LMBRD1: variants seen among roughly 807,000 people sequenced by gnomAD.
The protein encoded by LMBRD1 is lysosomal cobalamin transport escort protein LMBD1.
A neutral mutation model predicts 74.8 loss-of-function variants in LMBRD1; 64 were observed. The ratio of observed to expected loss-of-function variants is 0.86; its 90% CI spans 0.70 to 1.05. The LOEUF (loss-of-function observed/expected upper bound fraction) is 1.05, where lower values mean the gene tolerates loss of function less well. Ranked by LOEUF, LMBRD1 falls within the 50% of genes least tolerant of loss-of-function variation. The pLI is 0.00. For missense variants in LMBRD1, 652 were observed against 645.9 expected (o/e 1.01, Z -0.10); for synonymous variants, 204 against 216.3 (o/e 0.94, Z 0.50).
At chr6:69,711,090 T>C (rs745552249) in intron 9 of LMBRD1, among the ~76,000 whole-genome samples, 3 of 152,126 alleles carry the variant, frequency 2.0e-5, no homozygotes, top group Non-Finnish European at 4.4e-5. Flanking sequence ...AAACAAATTG[T>C]GATACAGACA....
At chr6:69,710,258 A>G (rs1481091284) in intron 9 of LMBRD1, among the ~76,000 whole-genome samples, 1 of 152,058 alleles carries the variant, frequency 6.6e-6, no homozygotes, top group Non-Finnish European at 1.5e-5. Flanking sequence ...TGAGCAAAGG[A>G]TAGTCTTGAA....
chr6:69,692,690 G>A (rs1765916543), intron 14 of LMBRD1, among the ~76,000 whole-genome samples: 1 of 151,658 alleles, frequency 6.6e-6, no homozygotes, highest in Non-Finnish European at 1.5e-5. Flanking sequence ...TTACTCTTTT[G>A]GGTCCACAGA....
intron 5 of LMBRD1, among the ~76,000 whole-genome samples, chr6:69,744,987 C>A (rs537573537): frequency 6.6e-6 from 1 of 151,820 alleles, no homozygotes; most frequent in Non-Finnish European, 1.5e-5. Flanking sequence ...GGATTACAGG[C>A]GCGCACCACT....
chr6:69,788,967 T>A (rs1297254861), intron 2 of LMBRD1, among the ~76,000 whole-genome samples: 1 of 152,216 alleles, frequency 6.6e-6, no homozygotes, highest in African/African-American at 2.4e-5. Context: ...CTACTACTTA[T>A]CTCACAGGAT....
intron 9 of LMBRD1, among the ~76,000 whole-genome samples, chr6:69,710,115 G>A (rs1292136079): frequency 1.3e-5 from 2 of 152,144 alleles, no homozygotes; most frequent in African/African-American, 4.8e-5. Context: ...CTTCATGGCA[G>A]ATTATAAAGC....
intron 14 of LMBRD1, among the ~76,000 whole-genome samples, chr6:69,683,198 T>A (rs1018696532): frequency 2.6e-5 from 4 of 152,036 alleles, no homozygotes; most frequent in African/African-American, 9.7e-5. Context: ...TTTTCCAGTC[T>A]GCATCGCAAT....
intron 10 of LMBRD1, 68 bp from the exon 11 acceptor site, chr6:69,701,613 A>G (rs752884512): frequency 5.0e-6 from 5 of 993,422 alleles, no homozygotes; most frequent in Non-Finnish European, 7.8e-6. Flanking sequence ...TAGAAAAAAT[A>G]TAATTTAAGC....
intron 6 of LMBRD1, 152 bp downstream of exon 6, chr6:69,741,637 C>A (rs1428022048): frequency 7.2e-6 from 4 of 554,476 alleles, no homozygotes; most frequent in East Asian, 3.2e-5. Flanking sequence ...ACCCCCCACC[C>A]CTCGGCCTCC....
chr6:69,691,784 G>A (rs1765885194), intron 14 of LMBRD1, among the ~76,000 whole-genome samples: 2 of 149,288 alleles, frequency 1.3e-5, no homozygotes, highest in Admixed American at 1.4e-4. Flanking sequence ...GCTGAGGCAG[G>A]AGAATGGCAT....
intron 5 of LMBRD1, among the ~76,000 whole-genome samples, chr6:69,744,803 A>G (rs1767182431): frequency 6.6e-6 from 1 of 151,688 alleles, no homozygotes; most frequent in Non-Finnish European, 1.5e-5. Flanking sequence ...CTCCAACCCA[A>G]CACCCAAAAT....
chr6:69,709,478 G>C (rs1170297054), intron 9 of LMBRD1, among the ~76,000 whole-genome samples: 1 of 152,116 alleles, frequency 6.6e-6, no homozygotes, highest in Non-Finnish European at 1.5e-5. Context: ...ATCAGACATG[G>C]AAAGATGGGT....
intron 6 of LMBRD1, 125 bp downstream of exon 6, chr6:69,741,664 C>A: frequency 1.7e-6 from 1 of 600,842 alleles, no homozygotes; most frequent in East Asian, 3.2e-5. Context: ...GCTAGGATTA[C>A]AGGCATGAGC....
At chr6:69,759,503 T>C (rs766702417) in intron 3 of LMBRD1, among the ~76,000 whole-genome samples, 1 of 150,434 alleles carries the variant, frequency 6.6e-6, no homozygotes. Context: ...CCAATTTAGG[T>C]TTATGCTAGG....
intron 10 of LMBRD1, 124 bp downstream of exon 10, chr6:69,701,765 T>C (rs1319446156): frequency 5.4e-6 from 4 of 743,684 alleles, no homozygotes; most frequent in South Asian, 1.6e-5. Flanking sequence ...GTTAATGCTA[T>C]AGAACACTTC....
At chr6:69,700,501 A>C (rs1159451000) in intron 12 of LMBRD1, among the ~76,000 whole-genome samples, 1 of 151,832 alleles carries the variant, frequency 6.6e-6, no homozygotes, top group Non-Finnish European at 1.5e-5. Flanking sequence ...TACCCACTAC[A>C]TGCCACTAGC....
intron 7 of LMBRD1, among the ~76,000 whole-genome samples, chr6:69,729,595 CA>C (rs1400156944): frequency 2.0e-5 from 3 of 151,926 alleles, no homozygotes; most frequent in African/African-American, 4.8e-5. Flanking sequence ...TTAATTCACA[CA>C]AAGTTATTTC....
intron 14 of LMBRD1, among the ~76,000 whole-genome samples, chr6:69,692,824 C>A (rs1413360684): frequency 6.6e-6 from 1 of 151,924 alleles, no homozygotes; most frequent in Non-Finnish European, 1.5e-5. Flanking sequence ...TATTTATTTT[C>A]CTATCCAAGT....
Position 69,741,835 on chromosome 6 carries a change from T to C in LMBRD1, c.516A>G (p.Thr172=), listed in dbSNP as rs1401268659. Residue 172 remains threonine (T), a synonymous_variant, in exon 6 of 16, where the codon ACA becomes ACG. Coordinates refer to ENST00000649934, the MANE Select transcript of LMBRD1 (RefSeq NM_018368.4). Reference sequence around the variant, plus strand: ...ATAGGGACTTCACTTTTTCCCACTCTGTAGAATTTTTGTTATTGGGAACAT... The same window carrying C: ...ATAGGGACTTCACTTTTTCCCACTCCGTAGAATTTTTGTTATTGGGAACAT... The part of the protein sequence containing the change: ...PLNVPNNKNS[T]EWEKVKSLFE... 3 of 1,607,640 alleles carry C rather than the reference T, an allele frequency of 1.9e-6. No homozygotes were observed. The highest frequency in any genetic ancestry group is 1.1e-5 in the South Asian group (1 of 90,894).
chr6:69,700,939 C>T, intron 11 of LMBRD1, 70 bp from the exon 12 acceptor site: 1 of 1,002,280 alleles, frequency 1.0e-6, no homozygotes, highest in Non-Finnish European at 1.4e-6. Flanking sequence ...ATAAAATAAG[C>T]TAAAAACTTC....
Sources: allele counts gnomAD v4.1 joint callset (sites outside exome capture counted in the v4.1 genomes callset), GRCh38; gene constraint gnomAD v4.1.1; transcripts MANE v1.5; gene names NCBI Gene and HGNC (gene_info 2026-07-23, HGNC 2026-07-21).